Variants in KCNIP1 observed in about 807,000 individuals in gnomAD.
KCNIP1 encodes A-type potassium channel modulatory protein KCNIP1.
KCNIP1 carries 18 observed loss-of-function variants against 33.0 expected under a neutral mutation model. The ratio of observed to expected loss-of-function variants is 0.55; its 90% confidence interval spans 0.38 to 0.81. The LOEUF (loss-of-function observed/expected upper bound fraction) is 0.81. Among genes scored for constraint, KCNIP1 ranks in the 30% least tolerant of loss-of-function variants. KCNIP1 has a pLI of 0.00. For missense variants in KCNIP1, 238 were observed against 271.6 expected, an observed-to-expected ratio of 0.88 and a Z score of 0.87; for synonymous variants, 93 against 98.3, an observed-to-expected ratio of 0.95 and a Z score of 0.32.
chr5:170,581,679 C>T (rs554722573), intron 1 of KCNIP1, among the ~76,000 whole-genome samples: 25 of 152,274 alleles, frequency 1.6e-4, no homozygotes, highest in East Asian at 9.6e-4. Flanking sequence ...TGTGTGATAA[C>T]GTTGTAGTAC....
chr5:170,695,181 A>T (rs1762850178), intron 1 of KCNIP1, among the ~76,000 whole-genome samples: 1 of 152,122 alleles, frequency 6.6e-6, no homozygotes, highest in Non-Finnish European at 1.5e-5. Context: ...GCCACCCAAC[A>T]TCAGCAAGTC....
At chr5:170,517,336 C>T (rs1157621675) in intron 1 of KCNIP1, among the ~76,000 whole-genome samples, 1 of 152,180 alleles carries the variant, frequency 6.6e-6, no homozygotes, top group Non-Finnish European at 1.5e-5. Flanking sequence ...ATCTGGTCAC[C>T]TCCCACCTTG....
chr5:170,656,043 A>T (rs917864804), intron 1 of KCNIP1, among the ~76,000 whole-genome samples: 1 of 152,242 alleles, frequency 6.6e-6, no homozygotes, highest in Non-Finnish European at 1.5e-5. Flanking sequence ...TCCATGGCTC[A>T]GAACTCTGAC....
In KCNIP1 at chr5:170,703,525, T is replaced by C. The variant is rs1763167089; in HGVS notation, c.62-15233T>C. On this transcript the variant is annotated intron_variant, in intron 1 of 7. Transcript: ENST00000328939. ...TGGTGGTTTATACCTGTAATTCCAG[T>C]GCTTTAAGAGGCCGAGGCAGGAGGA... Among the ~76,000 whole-genome samples the C allele has an allele frequency of 1.5e-5, 2 of 137,448 alleles. 1 individual carries two copies. The highest frequency in any genetic ancestry group is 5.4e-4 in the South Asian group (2 of 3,712). The allele number at this position is 137,448 out of a possible 152,430, so 90.2% of individuals were successfully genotyped here. A position where few individuals can be genotyped will look rare whatever the true frequency, so the allele number is the denominator to read the frequency against.
chr5:170,431,722 G>A (rs1451122128), intron 1 of KCNIP1, among the ~76,000 whole-genome samples: 4 of 152,226 alleles, frequency 2.6e-5, no homozygotes, highest in Non-Finnish European at 2.9e-5. Flanking sequence ...GTCTACACGG[G>A]CTGAGCTCCC....
chr5:170,722,889 C>A, intron 5 of KCNIP1, 69 bp downstream of exon 5: 2 of 963,746 alleles, frequency 2.1e-6, no homozygotes, highest in Non-Finnish European at 1.7e-6. Context: ...GAAAACAGCC[C>A]CAGGCATGAG....
intron 1 of KCNIP1, among the ~76,000 whole-genome samples, chr5:170,468,245 G>C (rs1756650756): frequency 6.6e-6 from 1 of 152,134 alleles, no homozygotes; most frequent in Non-Finnish European, 1.5e-5. Context: ...GAGAAGGTTT[G>C]TTAGACAATT....
intron 1 of KCNIP1, among the ~76,000 whole-genome samples, chr5:170,567,799 A>T (rs1203363986): frequency 1.3e-5 from 2 of 152,128 alleles, no homozygotes; most frequent in East Asian, 3.9e-4. Flanking sequence ...GGGAAATGCC[A>T]CTCTTGGCCC....
intron 1 of KCNIP1, among the ~76,000 whole-genome samples, chr5:170,390,517 A>AAAAAAAAAAAAAAATATATAT: frequency 4.0e-5 from 3 of 74,542 alleles, no homozygotes; most frequent in Admixed American, 1.5e-4. Context: ...AAAAAAAACA[A>AAAAAAAAAAAAAAATATATAT]ATATATATAT....
chr5:170,709,365 T>C (rs1186947250), intron 1 of KCNIP1, among the ~76,000 whole-genome samples: 1 of 152,244 alleles, frequency 6.6e-6, no homozygotes, highest in Non-Finnish European at 1.5e-5. Context: ...TGTTTTATCT[T>C]CCTAGCAGAT....
At chr5:170,511,755 G>A (rs1754938363) in intron 1 of KCNIP1, among the ~76,000 whole-genome samples, 1 of 152,214 alleles carries the variant, frequency 6.6e-6, no homozygotes, top group South Asian at 2.1e-4. Flanking sequence ...AAAGGGAAGT[G>A]CCTTACTAAG....
chr5:170,366,925 T>C (rs1048609128), intron 1 of KCNIP1, among the ~76,000 whole-genome samples: 3 of 152,230 alleles, frequency 2.0e-5, no homozygotes, highest in Non-Finnish European at 2.9e-5. Flanking sequence ...CCCAAGTCTC[T>C]CTCTCTTGCC....
At chr5:170,616,545 C>T (rs549156318) in intron 1 of KCNIP1, among the ~76,000 whole-genome samples, 35 of 152,272 alleles carry the variant, frequency 2.3e-4, no homozygotes, top group African/African-American at 6.0e-4. Context: ...GTAAGGATGG[C>T]GGCATCTCTG....
intron 1 of KCNIP1, chr5:170,383,715 C>G (rs1764347513): frequency 6.2e-7 from 1 of 1,614,066 alleles, no homozygotes; most frequent in Admixed American, 1.7e-5. Flanking sequence ...CCGTGTGGTA[C>G]AGCACAGCCC....
At chr5:170,397,032 G>A (rs1393802707) in intron 1 of KCNIP1, among the ~76,000 whole-genome samples, 1 of 152,174 alleles carries the variant, frequency 6.6e-6, no homozygotes, top group Non-Finnish European at 1.5e-5. Flanking sequence ...TTGGAATTTG[G>A]TATTTATTAC....
At chr5:170,696,502 G>T (rs1336859113) in intron 1 of KCNIP1, among the ~76,000 whole-genome samples, 1 of 152,132 alleles carries the variant, frequency 6.6e-6, no homozygotes, top group African/African-American at 2.4e-5. Flanking sequence ...ATACTGTCTG[G>T]GGAAGACAGA....
chr5:170,615,807 T>C (rs1303366695), intron 1 of KCNIP1, among the ~76,000 whole-genome samples: 1 of 152,228 alleles, frequency 6.6e-6, no homozygotes, highest in Non-Finnish European at 1.5e-5. Flanking sequence ...ATACTAATAG[T>C]ACTTACATAA....
chr5:170,731,872 C>CAAA (rs1157286321), intron 5 of KCNIP1, among the ~76,000 whole-genome samples: 10 of 16,850 alleles, frequency 5.9e-4, no homozygotes, highest in South Asian at 1.9e-3. Context: ...GACTCCGTCT[C>CAAA]AAAAAAAAAA....
At chr5:170,532,099 C>T (rs1012541937) in intron 1 of KCNIP1, among the ~76,000 whole-genome samples, 1 of 152,200 alleles carries the variant, frequency 6.6e-6, no homozygotes, top group Non-Finnish European at 1.5e-5. Context: ...CCTCAAATTT[C>T]CTTTGTTCCA....
Sources: gnomAD v4.1 joint callset for allele counts (sites outside exome capture counted in the v4.1 genomes callset) on GRCh38, gnomAD v4.1.1 for gene constraint, MANE v1.5 for transcripts, NCBI Gene and HGNC (gene_info 2026-07-23, HGNC 2026-07-21) for gene names.